Variants in ANKRD44 observed in about 807,000 individuals in gnomAD.
The protein encoded by ANKRD44 is serine/threonine-protein phosphatase 6 regulatory ankyrin repeat subunit B.
In ANKRD44, 35 loss-of-function variants were observed where a neutral mutation model predicts 116.0. That is an observed-to-expected ratio of 0.30 (90% confidence interval 0.23 to 0.40). The LOEUF is 0.40. Among genes scored for constraint, ANKRD44 ranks in the 10% least tolerant of loss-of-function variants. The pLI, the probability that ANKRD44 is intolerant of heterozygous loss-of-function variation, is 1.00. For synonymous variants in ANKRD44, 435 were observed against 461.8 expected (o/e 0.94, Z 0.74); for missense variants, 1,014 against 1,242.6 (o/e 0.82, Z 2.77).
chr2:197,271,893 C>T (rs186631850), intron 1 of ANKRD44, among the ~76,000 whole-genome samples: 12 of 152,320 alleles, frequency 7.9e-5, no homozygotes, highest in African/African-American at 2.4e-4. Flanking sequence ...TGAGCCAGCA[C>T]GCCCAGCCCA....
intron 16 of ANKRD44, among the ~76,000 whole-genome samples, chr2:197,071,723 TTGAG>T (rs2077563103): frequency 6.6e-6 from 1 of 152,198 alleles, no homozygotes; most frequent in Admixed American, 6.5e-5. Flanking sequence ...GATTATGTTA[TTGAG>T]TTTTTCTATA....
chr2:197,090,155 A>G, intron 10 of ANKRD44, 123 bp from the exon 11 acceptor site: 1 of 682,018 alleles, frequency 1.5e-6, no homozygotes, highest in Non-Finnish European at 2.5e-6. Context: ...GTCTTGGCTG[A>G]AATAATTTGG....
chr2:197,204,462 A>G (rs1391385818), intron 1 of ANKRD44, among the ~76,000 whole-genome samples: 2 of 152,208 alleles, frequency 1.3e-5, no homozygotes, highest in African/African-American at 4.8e-5. Context: ...AAAGAAAATG[A>G]GAATAACGAA....
chr2:197,222,884 C>G (rs1349467329), intron 1 of ANKRD44, among the ~76,000 whole-genome samples: 1 of 151,728 alleles, frequency 6.6e-6, no homozygotes, highest in African/African-American at 2.4e-5. Flanking sequence ...ATGATCTTGG[C>G]TCCCTGCAAC....
intron 11 of ANKRD44, among the ~76,000 whole-genome samples, chr2:197,089,141 G>T (rs2077988293): frequency 6.6e-6 from 1 of 152,172 alleles, no homozygotes; most frequent in Admixed American, 6.5e-5. Context: ...TAGCATGCTG[G>T]AACAGATTTT....
At chr2:197,050,513 C>T (rs984527793) in intron 16 of ANKRD44, among the ~76,000 whole-genome samples, 2 of 150,906 alleles carry the variant, frequency 1.3e-5, no homozygotes, top group African/African-American at 4.9e-5. Context: ...GCCTCCACCT[C>T]CTGGGTTCAA....
At chr2:196,984,089 T>C (rs2075820923), downstream of ANKRD44, among the ~76,000 whole-genome samples, 1 of 152,204 alleles carries the variant, frequency 6.6e-6, no homozygotes, top group Non-Finnish European at 1.5e-5. Context: ...ATGCAATCCC[T>C]TGTGAAAATA....
At chr2:197,122,555 G>T in intron 7 of ANKRD44, 95 bp downstream of exon 7, 1 of 1,463,276 alleles carries the variant, frequency 6.8e-7, no homozygotes, top group Non-Finnish European at 9.2e-7. Context: ...CAATTCCCCT[G>T]CCCTTGAATT....
intron 16 of ANKRD44, among the ~76,000 whole-genome samples, chr2:197,041,358 T>C (rs760277789): frequency 3.3e-5 from 5 of 152,162 alleles, no homozygotes; most frequent in East Asian, 1.9e-4. Flanking sequence ...CTGGTTCCCA[T>C]TGGTTTGTCC....
At chr2:197,254,553 C>T (rs1398284312) in intron 1 of ANKRD44, among the ~76,000 whole-genome samples, 1 of 151,744 alleles carries the variant, frequency 6.6e-6, no homozygotes, top group East Asian at 1.9e-4. Context: ...TGCAAATGTT[C>T]TACCTTAGTG....
intron 1 of ANKRD44, among the ~76,000 whole-genome samples, chr2:197,264,864 G>T (rs1023387357): frequency 6.6e-6 from 1 of 152,074 alleles, no homozygotes; most frequent in Non-Finnish European, 1.5e-5. Flanking sequence ...AAATACTTAG[G>T]TCAAAGTTAC....
intron 16 of ANKRD44, among the ~76,000 whole-genome samples, chr2:197,033,714 T>G (rs180980985): frequency 4.1e-4 from 63 of 152,150 alleles, no homozygotes; most frequent in African/African-American, 1.5e-3. Context: ...CTAACAATTT[T>G]CTTTAATCTT....
intron 9 of ANKRD44, among the ~76,000 whole-genome samples, chr2:197,105,683 A>G (rs2125250879): frequency 6.6e-6 from 1 of 152,338 alleles, no homozygotes; most frequent in South Asian, 2.1e-4. Context: ...CTAGGGACTC[A>G]ACAGACAGTT....
chr2:197,288,576 A>G lies in ANKRD44; in HGVS notation c.27+22002T>C, dbSNP rs542174050. Among the ~76,000 whole-genome samples, 3 of 152,306 alleles carry G rather than the reference A, an allele frequency of 2.0e-5. No homozygotes were observed. In the East Asian group the frequency reaches 5.8e-4, roughly 29 times the overall value. On this transcript the variant is annotated intron_variant, in intron 1 of 27. Transcript: ENST00000282272. The stretch of plus-strand genomic sequence containing the variant: ...ACTATTCACAAGAGCAAAGTTATGG[A>G]ATCTAAGTGTCCATCAACAGATGAA...
chr2:197,040,987 T>G (rs1024382170), intron 16 of ANKRD44, among the ~76,000 whole-genome samples: 7 of 152,182 alleles, frequency 4.6e-5, no homozygotes, highest in African/African-American at 1.4e-4. Context: ...AAAAGTAAAC[T>G]TTGACACCAC....
In ANKRD44 at chr2:197,147,078, C is replaced by T. The variant is rs762102915; in HGVS notation, c.139G>A (p.Val47Met). 1.2e-6 allele frequency: 2 copies of T among 1,613,854 alleles called. No individual in the cohort carries two copies. Among genetic ancestry groups the T allele is most frequent in the East Asian group, 2.2e-5 (1 of 44,864 alleles). Residue 47 changes from valine to methionine, a missense_variant, in exon 3 of 28, where the codon GTG (valine) becomes ATG (methionine). Transcript: ENST00000282272. ...LDSEKRTPLHVAAFLGDAEII... is the reference protein window; with the variant it reads ...LDSEKRTPLHMAAFLGDAEII... ...TCTGCATCTCCCAGAAATGCGGCCA[C>T]ATGAAGAGGGGTTCGTTTCTCAGAA...
At chr2:196,975,471 C>A (rs1248857242) in intron 21 of ANKRD44, among the ~76,000 whole-genome samples, 1 of 152,130 alleles carries the variant, frequency 6.6e-6, no homozygotes, top group African/African-American at 2.4e-5. Flanking sequence ...GCGTTACCAT[C>A]ACACCAAAAC....
At position 196,987,055 on chromosome 2, in the gene ANKRD44, T is replaced by C. The variant is rs1047804530; in HGVS notation, c.*2536A>G. ...AGAGCATAAAATATGTAGACAAAACTACCAAATAAAAGATATTTGCATTGA... is the reference window on the plus strand; with the variant it reads ...AGAGCATAAAATATGTAGACAAAACCACCAAATAAAAGATATTTGCATTGA... On this transcript the variant is annotated 3_prime_UTR_variant, in exon 28 of 28. Coordinates refer to ENST00000282272, the MANE Select transcript of ANKRD44 (RefSeq NM_001195144.2). The C allele has an allele frequency of 1.0e-6, 1 of 984,776 alleles. No homozygotes were observed. Among genetic ancestry groups the C allele is most frequent in the Non-Finnish European group, 1.2e-6 (1 of 829,458 alleles). The allele number at this position is 984,776 out of a possible 1,614,324, so 61.0% of individuals were successfully genotyped here.
intron 21 of ANKRD44, among the ~76,000 whole-genome samples, chr2:197,004,025 T>C (rs1324570160): frequency 6.6e-6 from 1 of 152,078 alleles, no homozygotes; most frequent in African/African-American, 2.4e-5. Flanking sequence ...GAACTATTAA[T>C]GGTTTCTAAA....
Sources: allele counts gnomAD v4.1 joint callset (sites outside exome capture counted in the v4.1 genomes callset), GRCh38; gene constraint gnomAD v4.1.1; transcripts MANE v1.5; gene names NCBI Gene and HGNC (gene_info 2026-07-23, HGNC 2026-07-21).